Variants in NPNT observed in about 807,000 individuals in gnomAD.
NPNT encodes the protein nephronectin.
In NPNT, 45 loss-of-function variants were observed where a neutral mutation model predicts 68.6. The ratio of observed to expected loss-of-function variants is 0.66; its 90% CI spans 0.52 to 0.84. The LOEUF is 0.84. NPNT is among the 40% of genes least tolerant of loss of function. The pLI, the probability that NPNT is intolerant of heterozygous loss-of-function variation, is 0.00. For synonymous variants in NPNT, 233 were observed against 253.3 expected (o/e 0.92, Z 0.76); for missense variants, 672 against 714.8 (o/e 0.94, Z 0.68).
intron 7 of NPNT, among the ~76,000 whole-genome samples, chr4:105,941,247 GC>G (rs1729927425): frequency 6.6e-6 from 1 of 152,060 alleles, no homozygotes; most frequent in Non-Finnish European, 1.5e-5. Context: ...AGGATGAGGT[GC>G]TAGGATCACT....
chr4:105,960,940 ATAAAAGTATTTT>A (rs2149404881), intron 10 of NPNT, among the ~76,000 whole-genome samples: 1 of 152,352 alleles, frequency 6.6e-6, no homozygotes, highest in African/African-American at 2.4e-5. Flanking sequence ...AACAGATATT[ATAAAAGTATTTT>A]TTTAAATCTC....
intron 3 of NPNT, among the ~76,000 whole-genome samples, chr4:105,927,898 T>A (rs1728813439): frequency 6.6e-6 from 1 of 152,200 alleles, no homozygotes; most frequent in African/African-American, 2.4e-5. Flanking sequence ...TTGGAATGTT[T>A]CCATGATAAA....
chr4:105,963,103 T>A (rs922244749), intron 10 of NPNT, among the ~76,000 whole-genome samples: 7 of 152,068 alleles, frequency 4.6e-5, no homozygotes, highest in Admixed American at 3.3e-4. Flanking sequence ...CAGGCACCTG[T>A]AGTCCCAGCT....
chr4:105,907,598 G>GA (rs1438659711), intron 2 of NPNT, among the ~76,000 whole-genome samples: 2 of 152,054 alleles, frequency 1.3e-5, no homozygotes, highest in Non-Finnish European at 2.9e-5. Flanking sequence ...AATTTGGCTT[G>GA]AAAAAAATTC....
intron 10 of NPNT, 99 bp from the exon 11 acceptor site, chr4:105,967,089 A>G: frequency 8.1e-7 from 1 of 1,227,208 alleles, no homozygotes; most frequent in Non-Finnish European, 1.1e-6. Context: ...TTCTTTACAA[A>G]GAAAAGAAAA....
intron 3 of NPNT, among the ~76,000 whole-genome samples, chr4:105,934,133 A>G (rs1283718829): frequency 2.6e-5 from 4 of 152,220 alleles, no homozygotes; most frequent in Non-Finnish European, 5.9e-5. Flanking sequence ...AGTATGATCA[A>G]TGACTTCATT....
chr4:105,929,114 C>T (rs1053029313), intron 3 of NPNT, among the ~76,000 whole-genome samples: 4 of 152,066 alleles, frequency 2.6e-5, no homozygotes, highest in African/African-American at 9.7e-5. Context: ...GCTCTCCCTC[C>T]CCTTACCCCT....
At chr4:105,926,350 G>A (rs1301501149) in intron 2 of NPNT, among the ~76,000 whole-genome samples, 1 of 152,092 alleles carries the variant, frequency 6.6e-6, no homozygotes. Flanking sequence ...TCTGGCATAG[G>A]GACATGCACA....
chr4:105,911,390 A>G (rs896285889), intron 2 of NPNT, among the ~76,000 whole-genome samples: 18 of 152,168 alleles, frequency 1.2e-4, no homozygotes, highest in African/African-American at 4.3e-4. Context: ...TACAAATTAT[A>G]CAAATAAATA....
At chr4:105,922,187 A>C (rs1325258611) in intron 2 of NPNT, among the ~76,000 whole-genome samples, 3 of 151,912 alleles carry the variant, frequency 2.0e-5, no homozygotes, top group African/African-American at 7.3e-5. Context: ...CAGAGCCTCC[A>C]TCTGCTTGGG....
chr4:105,942,470 G>A lies in NPNT; in HGVS notation c.927G>A (p.Arg309=), dbSNP rs1467938999. 1 of 1,612,692 alleles carries A rather than the reference G, an allele frequency of 6.2e-7. No individual in the cohort carries two copies. The highest frequency in any genetic ancestry group is 1.3e-5 in the African/African-American group (1 of 74,458). Residue 309 remains arginine (R), a synonymous_variant, in exon 8 of 12, where the codon AGG becomes AGA. Coordinates refer to ENST00000379987, the MANE Select transcript of NPNT (RefSeq NM_001033047.3). The part of the protein sequence containing the change: ...TPYIPPIITN[R]PTSKPTTRPT... ...ATATTCCTCCTATCATTACCAACAG[G>A]CCTACTTCTAAGCCAACAACAAGAC...
intron 2 of NPNT, among the ~76,000 whole-genome samples, chr4:105,911,321 A>G (rs930238076): frequency 6.6e-6 from 1 of 152,178 alleles, no homozygotes; most frequent in African/African-American, 2.4e-5. Flanking sequence ...AATTGGACTT[A>G]GAATTTTTTT....
intron 3 of NPNT, among the ~76,000 whole-genome samples, chr4:105,928,646 A>T (rs1728876062): frequency 1.3e-5 from 2 of 151,320 alleles, no homozygotes; most frequent in African/African-American, 4.9e-5. Context: ...AAAAATCATT[A>T]TTAGGAATTA....
In NPNT at chr4:105,970,069, C is replaced by G. The variant is rs1465282056; in HGVS notation, c.*1079C>G. 5 of 230,302 alleles carry G rather than the reference C, an allele frequency of 2.2e-5. No individual in the cohort carries two copies. Among genetic ancestry groups the G allele is most frequent in the Middle Eastern group, 1.5e-3 (1 of 664 alleles). The allele number at this position is 230,302 out of a possible 1,614,324, so 14.3% of individuals were successfully genotyped here. On this transcript the variant is annotated 3_prime_UTR_variant, in exon 12 of 12. Coordinates refer to ENST00000379987, the MANE Select transcript of NPNT (RefSeq NM_001033047.3). The stretch of plus-strand genomic sequence containing the variant: ...GGGAAACTCCATTGGAACAGATTTT[C>G]ACACAACGTTTTAAATTGATATAAG...
chr4:105,962,316 C>T (rs990951856), intron 10 of NPNT, among the ~76,000 whole-genome samples: 1 of 152,092 alleles, frequency 6.6e-6, no homozygotes, highest in Non-Finnish European at 1.5e-5. Flanking sequence ...GGAACCATAA[C>T]GTTTAGCCTG....
chr4:105,898,174 T>G, intron 2 of NPNT, 173 bp downstream of exon 2: 1 of 432,444 alleles, frequency 2.3e-6, no homozygotes, highest in Non-Finnish European at 4.1e-6. Flanking sequence ...CTTTTCAGCT[T>G]TAGCCACCTG....
intron 2 of NPNT, among the ~76,000 whole-genome samples, chr4:105,900,462 T>C (rs1371010496): frequency 2.0e-5 from 3 of 152,204 alleles, no homozygotes; most frequent in Middle Eastern, 3.2e-3. Context: ...TTAATATTCA[T>C]GTGAGTCAAA....
In NPNT at chr4:105,967,278, G is replaced by C; in HGVS notation, c.1436G>C (p.Gly479Ala). 6.2e-7 allele frequency: 1 copy of C among 1,614,032 alleles called. No individual in the cohort carries two copies. Residue 479 changes from glycine to alanine, a missense_variant, in exon 11 of 12, where the codon GGG becomes GCG. Gly to Ala is a moderately conservative substitution (Grantham distance 60). Coordinates refer to ENST00000379987, the MANE Select transcript of NPNT (RefSeq NM_001033047.3). ...VLPLGRLMHS[G>A]DLCLSFRHKV... ...CCTCTCGGCCGCCTCATGCATTCAG[G>C]GGACCTGTGCCTGTCATTCAGGCAC...
At chr4:105,907,696 G>A (rs1727024396) in intron 2 of NPNT, among the ~76,000 whole-genome samples, 1 of 152,036 alleles carries the variant, frequency 6.6e-6, no homozygotes, top group Non-Finnish European at 1.5e-5. Flanking sequence ...AGGGCAAATT[G>A]GGGTGCAAAA....
Sources: gnomAD v4.1 joint callset for allele counts (sites outside exome capture counted in the v4.1 genomes callset) on GRCh38, gnomAD v4.1.1 for gene constraint, MANE v1.5 for transcripts, NCBI Gene and HGNC (gene_info 2026-07-23, HGNC 2026-07-21) for gene names.